The following LACRT variants were observed in gnomAD, a reference collection of about 807,000 sequenced individuals.
LACRT encodes the protein extracellular glycoprotein lacritin.
A neutral mutation model predicts 14.5 loss-of-function variants in LACRT; 14 were observed. The ratio of observed to expected loss-of-function variants is 0.96; its 90% confidence interval spans 0.64 to 1.51. The LOEUF (loss-of-function observed/expected upper bound fraction) is 1.51, where lower values mean the gene tolerates loss of function less well. Among genes scored for constraint, LACRT ranks in the 40% most tolerant of loss-of-function variants. LACRT has a pLI of 0.00. For synonymous variants in LACRT, 70 were observed against 63.5 expected (o/e 1.10, Z -0.48); for missense variants, 156 against 161.8 (o/e 0.96, Z 0.19).
intron 2 of LACRT, 99 bp downstream of exon 2, chr12:54,633,081 G>C: frequency 8.7e-7 from 1 of 1,145,258 alleles, no homozygotes; most frequent in Non-Finnish European, 1.3e-6. Flanking sequence ...ACAGAATCCA[G>C]ATCTCCTCCC....
intron 1 of LACRT, 95 bp downstream of exon 1, chr12:54,634,689 A>G (rs943176648): frequency 3.4e-6 from 4 of 1,174,802 alleles, no homozygotes; most frequent in Non-Finnish European, 5.1e-6. Context: ...AAACCAGAAT[A>G]GCACTGAGAG....
intron 1 of LACRT, 66 bp downstream of exon 1, chr12:54,634,718 G>A (rs1025925186): frequency 2.1e-6 from 3 of 1,401,840 alleles, no homozygotes; most frequent in Non-Finnish European, 3.0e-6. Context: ...AGGGGTGAAG[G>A]CAGGAGTGAG....
intron 3 of LACRT, 179 bp downstream of exon 3, chr12:54,632,062 C>T: frequency 1.4e-6 from 1 of 718,626 alleles, no homozygotes; most frequent in Non-Finnish European, 2.3e-6. Context: ...GCTGCAACAT[C>T]TACTATTGTG....
At position 54,634,775 on chromosome 12, in the gene LACRT, C is replaced by A; in HGVS notation, c.58+9G>T. The A allele has an allele frequency of 6.2e-7, 1 of 1,613,142 alleles. No homozygotes were observed. Among genetic ancestry groups the A allele is most frequent in the Non-Finnish European group, 8.5e-7 (1 of 1,179,230 alleles). ...CTCTTGTGGGGCGCAGAGGAAAGGC[C>A]ATACTCACCAGCATAGACCAGGGCC... On this transcript the variant is annotated intron_variant, in intron 1 of 4. Coordinates refer to ENST00000257867, the MANE Select transcript of LACRT (RefSeq NM_033277.2).
rs148821013 is a variant in LACRT, at chr12:54,631,772, G to A, written c.321C>T (p.His107=). The A allele has an allele frequency of 2.8e-5, 45 of 1,613,792 alleles. No individual in the cohort carries two copies. The highest frequency in any genetic ancestry group is 3.3e-5 in the Admixed American group (2 of 60,012). ...ATTGTTTTCCACCTGGCACGCCTCC[G>A]TGCATTCCTTTTCCTGCTTTTGCAA... The part of the protein sequence containing the change: ...QALAKAGKGM[H]GGVPGGKQFI... The change falls in exon 4 of 5, where the codon CAC becomes CAT. Residue 107 remains histidine (H), a synonymous_variant. Transcript: ENST00000257867.
intron 3 of LACRT, 123 bp downstream of exon 3, chr12:54,632,118 G>A (rs1253498266): frequency 8.9e-7 from 1 of 1,124,820 alleles, no homozygotes; most frequent in Non-Finnish European, 1.3e-6. Context: ...TTGTGCCTTT[G>A]TGTTCAGCTG....
chr12:54,634,139 G>T (rs775712222), intron 1 of LACRT, among the ~76,000 whole-genome samples: 1 of 152,134 alleles, frequency 6.6e-6, no homozygotes, highest in Non-Finnish European at 1.5e-5. Flanking sequence ...GATCACCTGA[G>T]GTCAGGAGTT....
intron 3 of LACRT, 73 bp downstream of exon 3, chr12:54,632,168 G>A (rs1476797952): frequency 1.0e-5 from 16 of 1,550,262 alleles, no homozygotes; most frequent in South Asian, 2.3e-5. Flanking sequence ...ATCTCTGTGC[G>A]TGGAGGTGTG....
chr12:54,634,826 G>A lies in LACRT; in HGVS notation c.16C>T (p.Leu6Phe). Residue 6 changes from leucine (L) to phenylalanine (F), a missense_variant, in exon 1 of 5, where the codon CTC becomes TTC. Physicochemically the swap from Leu to Phe is conservative, Grantham distance 22. Coordinates refer to ENST00000257867, the MANE Select transcript of LACRT (RefSeq NM_033277.2). ...CCTGCTACAGCTGCCAAGAAGAGGA[G>A]AGTGGTAAATTTCATTCTTTGGGAT... The part of the protein sequence containing the change: MKFTT[L>F]LFLAAVAGAL... The A allele has an allele frequency of 1.2e-6, 2 of 1,613,774 alleles. No individual in the cohort carries two copies. The highest frequency in any genetic ancestry group is 8.5e-7 in the Non-Finnish European group (1 of 1,179,702).
rs147161560 is a variant in LACRT at position 54,632,509 on chromosome 12, G to T, written c.113-128C>A. The T allele has an allele frequency of 5.6e-6, 6 of 1,079,450 alleles. No homozygotes were observed. The East Asian group carries it at 7.1e-5, about 13-fold the overall frequency. The allele number at this position is 1,079,450 out of a possible 1,614,324, so 66.9% of individuals were successfully genotyped here. ...GATACAGAAGTGATATGGCTTAAAC[G>T]CTGCCCCCTTAAGGGAGATAGCATT... is the stretch of plus-strand genomic sequence containing the variant. On this transcript the variant is annotated intron_variant, in intron 2 of 4. Coordinates refer to ENST00000257867, the MANE Select transcript of LACRT (RefSeq NM_033277.2).
chr12:54,632,515 C>G, intron 2 of LACRT, 134 bp from the exon 3 acceptor site: 1 of 1,016,074 alleles, frequency 9.8e-7, no homozygotes, highest in Non-Finnish European at 1.5e-6. Flanking sequence ...AAACGCTGCC[C>G]CCTTAAGGGA....
At chr12:54,633,334 C>G in intron 1 of LACRT, 101 bp from the exon 2 acceptor site, 1 of 1,048,534 alleles carries the variant, frequency 9.5e-7, no homozygotes, top group Non-Finnish European at 1.4e-6. Flanking sequence ...TGGGAATGCT[C>G]ATGGATAGAA....
intron 1 of LACRT, among the ~76,000 whole-genome samples, chr12:54,634,001 C>T (rs1220416162): frequency 6.6e-6 from 1 of 152,004 alleles, no homozygotes; most frequent in Non-Finnish European, 1.5e-5. Context: ...GAAGGAAGAT[C>T]CTGATGTTCA....
At position 54,633,215 on chromosome 12, in the gene LACRT, G is replaced by A. The variant is rs746462563; in HGVS notation, c.77C>T (p.Ser26Leu). Residue 26 changes from serine to leucine, a missense_variant, in exon 2 of 5, where the codon TCG becomes TTG. By Grantham distance (145) the Ser-to-Leu change is moderately radical. Coordinates refer to ENST00000257867, the MANE Select transcript of LACRT (RefSeq NM_033277.2). ...LVYAEDASSD[S>L]TGADPAQEAG... ...TTCCTGGGCAGGATCAGCACCCGTC[G>A]AGTCAGAGGAGGCATCTTCTGCAAT... 6 of 1,613,762 alleles carry A rather than the reference G, an allele frequency of 3.7e-6. No homozygotes were observed. The highest frequency in any genetic ancestry group is 1.3e-5 in the African/African-American group (1 of 74,902).
chr12:54,633,230 T>C lies in LACRT; in HGVS notation c.62A>G (p.Asp21Gly). ...AGCACCCGTCGAGTCAGAGGAGGCA[T>C]CTTCTGCAATGGGGGAAACATGCCA... The part of the protein sequence containing the change: ...AVAGALVYAE[D>G]ASSDSTGADP... Residue 21 changes from aspartate (D) to glycine (G), a missense_variant, in exon 2 of 5, where the codon GAT becomes GGT. Physicochemically the swap from Asp to Gly is moderately conservative, Grantham distance 94. Transcript: ENST00000257867. 1.2e-6 allele frequency: 2 copies of C among 1,613,756 alleles called. No individual in the cohort carries two copies. Among genetic ancestry groups the C allele is most frequent in the South Asian group, 2.2e-5 (2 of 91,048 alleles).
At position 54,633,198 on chromosome 12, in the gene LACRT, C is replaced by A; in HGVS notation, c.94G>T (p.Ala32Ser). Residue 32 changes from alanine to serine, a missense_variant, in exon 2 of 5, where the codon GCC (alanine) becomes TCC (serine). Transcript: ENST00000257867. ...GACTCACAGGTCCCAGCTTCCTGGG[C>A]AGGATCAGCACCCGTCGAGTCAGAG... ...ASSDSTGADP[A>S]QEAGTSKPNE... 6.2e-7 allele frequency: 1 copy of A among 1,613,916 alleles called. No homozygotes were observed. The highest frequency in any genetic ancestry group is 8.5e-7 in the Non-Finnish European group (1 of 1,179,912).
chr12:54,631,676 C>A (rs1184093185), intron 4 of LACRT, 62 bp downstream of exon 4: 2 of 1,257,374 alleles, frequency 1.6e-6, no homozygotes, highest in African/African-American at 1.5e-5. Flanking sequence ...CATATCCCAC[C>A]CCCGGATGGT....
At chr12:54,634,474 C>T (rs1325174356) in intron 1 of LACRT, among the ~76,000 whole-genome samples, 1 of 152,194 alleles carries the variant, frequency 6.6e-6, no homozygotes, top group East Asian at 1.9e-4. Flanking sequence ...GCCTGGGCAC[C>T]CTCGTGTAGG....
intron 4 of LACRT, 76 bp downstream of exon 4, chr12:54,631,662 G>T: frequency 9.0e-7 from 1 of 1,106,574 alleles, no homozygotes; most frequent in Admixed American, 1.7e-5. Context: ...GGCAAGTTCT[G>T]TCCCATATCC....
Sources: allele counts gnomAD v4.1 joint callset (sites outside exome capture counted in the v4.1 genomes callset), GRCh38; gene constraint gnomAD v4.1.1; transcripts MANE v1.5; gene names NCBI Gene and HGNC (gene_info 2026-07-23, HGNC 2026-07-21).